Variants in UNC79 observed in about 807,000 individuals in gnomAD.
The protein encoded by UNC79 is protein unc-79 homolog.
In UNC79, 37 loss-of-function variants were observed where a neutral mutation model predicts 283.1. The observed-to-expected ratio is 0.13, with a 90% CI of 0.10 to 0.17. The LOEUF (loss-of-function observed/expected upper bound fraction) is 0.17. UNC79 is among the 10% of genes least tolerant of loss of function. The pLI, the probability that UNC79 is intolerant of heterozygous loss-of-function variation, is 1.00. For synonymous variants in UNC79, 1,107 were observed against 1,200.2 expected, an observed-to-expected ratio of 0.92 and a Z score of 1.61; for missense variants, 2,272 against 3,211.1, an observed-to-expected ratio of 0.71 and a Z score of 7.07.
At chr14:93,451,134 T>C (rs1440673492) in intron 1 of UNC79, among the ~76,000 whole-genome samples, 1 of 152,026 alleles carries the variant, frequency 6.6e-6, no homozygotes, top group Non-Finnish European at 1.5e-5. Flanking sequence ...TTTTTTAAGA[T>C]AAAGTTTTCC....
chr14:93,691,932 G>A (rs758796328), exon 46 of UNC79: 1 of 1,614,120 alleles, frequency 6.2e-7, no homozygotes, highest in Non-Finnish European at 8.5e-7. Context: ...TCAGCTAATG[G>A]CCCATAACAA....
chr14:93,587,201 A>G (rs979703214), intron 22 of UNC79, among the ~76,000 whole-genome samples: 7 of 152,190 alleles, frequency 4.6e-5, no homozygotes, highest in Non-Finnish European at 5.9e-5. Context: ...ATATAGAAAA[A>G]TGCCAAAAAA....
At chr14:93,423,362 T>C (rs1052453995) in intron 1 of UNC79, among the ~76,000 whole-genome samples, 1 of 152,042 alleles carries the variant, frequency 6.6e-6, no homozygotes, top group African/African-American at 2.4e-5. Context: ...AAAAAAGCAA[T>C]TATAAAATTT....
intron 18 of UNC79, 35 bp from the exon 19 acceptor site, chr14:93,580,114 G>A (rs769639276): frequency 4.6e-6 from 7 of 1,526,534 alleles, no homozygotes; most frequent in South Asian, 2.4e-5. Context: ...TTTTTTGTGT[G>A]TGTGTGCGTG....
intron 5 of UNC79, among the ~76,000 whole-genome samples, chr14:93,490,510 A>G (rs2058672497): frequency 6.6e-6 from 1 of 152,160 alleles, no homozygotes. Flanking sequence ...CCAAGTATCC[A>G]ATTTTATCAC....
chr14:93,356,216 CAG>C (rs1362597456), intron 1 of UNC79, among the ~76,000 whole-genome samples: 4 of 151,974 alleles, frequency 2.6e-5, no homozygotes, highest in African/African-American at 9.7e-5. Flanking sequence ...TTAGTAGAGA[CAG>C]AGTTTCGTTG....
intron 24 of UNC79, among the ~76,000 whole-genome samples, chr14:93,598,752 C>T (rs952528571): frequency 6.6e-6 from 1 of 152,322 alleles, no homozygotes; most frequent in South Asian, 2.1e-4. Flanking sequence ...GAACCCCTGG[C>T]TTCAAGTGAT....
intron 2 of UNC79, among the ~76,000 whole-genome samples, chr14:93,470,903 A>G (rs1383935248): frequency 1.3e-5 from 2 of 152,174 alleles, no homozygotes; most frequent in East Asian, 1.9e-4. Context: ...AAGGTCTTTA[A>G]GAATCTTGCT....
chr14:93,347,426 G>A (rs775803398), intron 1 of UNC79: 2 of 1,457,182 alleles, frequency 1.4e-6, no homozygotes, highest in African/African-American at 1.5e-5. Flanking sequence ...ATGGTGGGCG[G>A]GAAGCGCGTG....
chr14:93,550,796 T>A (rs2061852915), intron 14 of UNC79, among the ~76,000 whole-genome samples: 1 of 151,930 alleles, frequency 6.6e-6, no homozygotes, highest in South Asian at 2.1e-4. Flanking sequence ...TAAAGCAATT[T>A]GGCAATATTT....
intron 1 of UNC79, among the ~76,000 whole-genome samples, chr14:93,383,541 A>G (rs1248679387): frequency 1.3e-5 from 2 of 152,220 alleles, no homozygotes; most frequent in South Asian, 2.1e-4. Context: ...AACAATATGC[A>G]TATCTTAATT....
Position 93,405,214 on chromosome 14 carries a change from C to T in UNC79, c.-350-62457C>T, listed in dbSNP as rs550739219. The stretch of plus-strand genomic sequence containing the variant: ...AGGAAAATCGCTTGAACCTGGGAGG[C>T]GGAGTTTGCAGTGAGCCAAGATCAC... On this transcript the variant is annotated intron_variant, in intron 1 of 49. Coordinates refer to the UNC79 transcript ENST00000256339. Among the ~76,000 whole-genome samples the T allele has an allele frequency of 5.3e-5, 8 of 150,496 alleles. No homozygotes were observed. In the South Asian group the frequency reaches 1.3e-3, roughly 24 times the overall value.
intron 39 of UNC79, 58 bp from the exon 43 acceptor site, chr14:93,662,546 C>T: frequency 8.3e-7 from 1 of 1,199,626 alleles, no homozygotes; most frequent in Non-Finnish European, 1.2e-6. Flanking sequence ...GATTTTAATA[C>T]TTTTTTTGAA....
At chr14:93,605,596 C>T (rs1054240735) in intron 26 of UNC79, among the ~76,000 whole-genome samples, 11 of 152,120 alleles carry the variant, frequency 7.2e-5, no homozygotes, top group South Asian at 2.1e-4. Context: ...GTGAAGGTTC[C>T]GAATACCTGC....
chr14:93,376,500 A>G (rs1251379559), intron 1 of UNC79, among the ~76,000 whole-genome samples: 1 of 152,222 alleles, frequency 6.6e-6, no homozygotes, highest in Non-Finnish European at 1.5e-5. Flanking sequence ...ACACATATAC[A>G]CATATAGCTA....
At chr14:93,636,952 G>C (rs2068559380) in intron 31 of UNC79, among the ~76,000 whole-genome samples, 1 of 152,156 alleles carries the variant, frequency 6.6e-6, no homozygotes, top group Non-Finnish European at 1.5e-5. Context: ...TGTGGGGGCA[G>C]GGTGGGGTGC....
chr14:93,552,700 C>CTT (rs569914201), intron 14 of UNC79, among the ~76,000 whole-genome samples: 6 of 149,790 alleles, frequency 4.0e-5, no homozygotes, highest in African/African-American at 9.8e-5. Flanking sequence ...GCCATATAAA[C>CTT]TTTTTTTTTT....
intron 1 of UNC79, among the ~76,000 whole-genome samples, chr14:93,363,928 G>C (rs974675284): frequency 1.3e-5 from 2 of 152,042 alleles, no homozygotes; most frequent in Admixed American, 6.5e-5. Context: ...CACCTTGTTA[G>C]CCAGGATGGT....
At chr14:93,612,304 T>C (rs1224944763) in intron 26 of UNC79, among the ~76,000 whole-genome samples, 1 of 152,232 alleles carries the variant, frequency 6.6e-6, no homozygotes, top group Non-Finnish European at 1.5e-5. Flanking sequence ...TTGCACTAGC[T>C]GATTAATGAA....
Sources: allele counts gnomAD v4.1 joint callset (sites outside exome capture counted in the v4.1 genomes callset), GRCh38; gene constraint gnomAD v4.1.1; transcripts MANE v1.5; gene names NCBI Gene and HGNC (gene_info 2026-07-23, HGNC 2026-07-21).